ESRRG: variants seen among roughly 807,000 people sequenced by gnomAD.
ESRRG encodes the protein estrogen-related receptor gamma.
In ESRRG, 13 loss-of-function variants were observed where a neutral mutation model predicts 44.0. That is an observed-to-expected ratio of 0.30 (90% CI 0.19 to 0.47). The LOEUF is 0.47. Ranked by LOEUF, ESRRG falls within the 20% of genes least tolerant of loss-of-function variation. The pLI, the probability that ESRRG is intolerant of heterozygous loss-of-function variation, is 1.00. For synonymous variants in ESRRG, 215 were observed against 214.6 expected (o/e 1.00, Z -0.02); for missense variants, 395 against 580.6 (o/e 0.68, Z 3.29).
chr1:216,817,729 AT>A (rs896997328), intron 2 of ESRRG, among the ~76,000 whole-genome samples: 5 of 152,236 alleles, frequency 3.3e-5, no homozygotes, highest in African/African-American at 1.2e-4. Flanking sequence ...TTGGTGGAAA[AT>A]TTAGGGAATA....
At chr1:216,870,824 T>C (rs2149209985) in intron 2 of ESRRG, among the ~76,000 whole-genome samples, 1 of 152,126 alleles carries the variant, frequency 6.6e-6, no homozygotes, top group East Asian at 1.9e-4. Flanking sequence ...GGTTGTAGGA[T>C]CTGTGATGAT....
chr1:216,785,906 A>G (rs1408427534), intron 2 of ESRRG, among the ~76,000 whole-genome samples: 1 of 152,162 alleles, frequency 6.6e-6, no homozygotes, highest in Non-Finnish European at 1.5e-5. Flanking sequence ...CACTGTCAGC[A>G]TGGCAACAAA....
intron 1 of ESRRG, among the ~76,000 whole-genome samples, chr1:217,095,856 C>T (rs1343424599): frequency 1.3e-5 from 2 of 152,140 alleles, no homozygotes; most frequent in Non-Finnish European, 2.9e-5. Flanking sequence ...ATAGCCAGTG[C>T]ATGCCAGCCT....
chr1:216,710,443 CA>C (rs914455340), intron 1 of ESRRG, among the ~76,000 whole-genome samples: 1 of 152,060 alleles, frequency 6.6e-6, no homozygotes, highest in Non-Finnish European at 1.5e-5. Context: ...TGCCACTAAA[CA>C]AAAAAAGGCA....
chr1:216,704,390 A>C, intron 1 of ESRRG, among the ~76,000 whole-genome samples: 1 of 152,152 alleles, frequency 6.6e-6, no homozygotes, highest in Admixed American at 6.5e-5. Flanking sequence ...GGTGGTGGGC[A>C]CCTGTAATCC....
chr1:216,956,108 T>C (rs1284643732), intron 1 of ESRRG, among the ~76,000 whole-genome samples: 1 of 152,196 alleles, frequency 6.6e-6, no homozygotes, highest in Non-Finnish European at 1.5e-5. Flanking sequence ...ACATACAAAA[T>C]CTTTTCCTAG....
At chr1:216,535,672 A>G (rs527726477) in intron 5 of ESRRG, among the ~76,000 whole-genome samples, 4 of 151,978 alleles carry the variant, frequency 2.6e-5, no homozygotes, top group East Asian at 1.9e-4. Context: ...CCAATTTTCT[A>G]CTTGGCCCCT....
At position 216,505,603 on chromosome 1, in the gene ESRRG, C is replaced by A. The variant is rs898982594; in HGVS notation, c.*1336G>T. Reference sequence around the variant, plus strand: ...GCTAGAAATCATATGGCAATTGTACCTCCCAAGTAGAGAGGTGCACTCCTG... The same window carrying A: ...GCTAGAAATCATATGGCAATTGTACATCCCAAGTAGAGAGGTGCACTCCTG... On this transcript the variant is annotated 3_prime_UTR_variant, in exon 7 of 7. Coordinates refer to ENST00000408911, the MANE Select transcript of ESRRG (RefSeq NM_001438.4). 2 of 152,492 alleles carry A rather than the reference C, an allele frequency of 1.3e-5. No homozygotes were observed. The highest frequency in any genetic ancestry group is 1.3e-4 in the Admixed American group (2 of 15,264). The allele number at this position is 152,492 out of a possible 1,614,324, so 9.4% of individuals were successfully genotyped here.
At chr1:217,112,495 G>T (rs2102465521) in intron 1 of ESRRG, among the ~76,000 whole-genome samples, 1 of 152,294 alleles carries the variant, frequency 6.6e-6, no homozygotes, top group South Asian at 2.1e-4. Context: ...CAGTAACGTG[G>T]AAAATAGAAG....
At chr1:216,838,851 C>G (rs930331810) in intron 2 of ESRRG, among the ~76,000 whole-genome samples, 4 of 152,172 alleles carry the variant, frequency 2.6e-5, no homozygotes, top group African/African-American at 7.2e-5. Context: ...TAATGGTCAT[C>G]TGAGCCTTCA....
At chr1:216,782,181 G>A (rs2093959454) in intron 2 of ESRRG, among the ~76,000 whole-genome samples, 1 of 152,056 alleles carries the variant, frequency 6.6e-6, no homozygotes, top group Non-Finnish European at 1.5e-5. Context: ...TGGCTTTCAA[G>A]CAACACACAA....
chr1:216,538,258 T>TTG (rs5780889), intron 5 of ESRRG, among the ~76,000 whole-genome samples: 14 of 151,286 alleles, frequency 9.3e-5, no homozygotes, highest in South Asian at 2.1e-4. Flanking sequence ...ATTAAAAATT[T>TTG]TGTGTGTGTG....
At position 216,507,141 on chromosome 1, in the gene ESRRG, T is replaced by C. The variant is rs1203770683; in HGVS notation, c.1175A>G (p.Gln392Arg). The change falls in exon 7 of 7, where the codon CAG becomes CGG. Residue 392 changes from glutamine to arginine, a missense_variant. Gln to Arg is a conservative substitution (Grantham distance 43, BLOSUM62 1). This residue lies in a region of ESRRG where 167 missense variants were observed against 251.8 expected (regional missense o/e 0.66). Coordinates refer to ENST00000408911, the MANE Select transcript of ESRRG (RefSeq NM_001438.4). ...CTGCAGCGCTTCATGTAAGACATCC[T>C]GAAGCTTCTGAACGGCTTCAACATC... ...IEDVEAVQKL[Q>R]DVLHEALQDY... 17 of 1,613,260 alleles carry C rather than the reference T, an allele frequency of 1.1e-5. No individual in the cohort carries two copies. The highest frequency in any genetic ancestry group is 7.7e-5 in the South Asian group (7 of 91,042).
chr1:216,898,950 A>T (rs540777748), intron 2 of ESRRG, among the ~76,000 whole-genome samples: 30 of 152,146 alleles, frequency 2.0e-4, no homozygotes, highest in African/African-American at 7.2e-4. Flanking sequence ...TCTTCTGCTC[A>T]ATACACTCCC....
intron 3 of ESRRG, among the ~76,000 whole-genome samples, chr1:216,612,620 G>A (rs1439673176): frequency 6.6e-6 from 1 of 152,122 alleles, no homozygotes; most frequent in African/African-American, 2.4e-5. Context: ...AAGGCAGGAA[G>A]AATCCATATA....
chr1:216,578,398 A>G (rs187102742), intron 3 of ESRRG, among the ~76,000 whole-genome samples: 1 of 152,126 alleles, frequency 6.6e-6, no homozygotes. Flanking sequence ...CCCATAAAAA[A>G]TAACTAAATA....
At chr1:216,761,107 T>A (rs12126778) in intron 2 of ESRRG, among the ~76,000 whole-genome samples, 72,940 of 151,356 alleles carry the variant, frequency 0.48, 18,885 homozygotes, top group African/African-American at 0.67. Flanking sequence ...AAAAAGGAGA[T>A]ATAGAAAGTG....
chr1:216,982,380 C>A (rs945265758), intron 1 of ESRRG, among the ~76,000 whole-genome samples: 3 of 152,132 alleles, frequency 2.0e-5, no homozygotes, highest in Admixed American at 6.5e-5. Context: ...GCCATCTGAG[C>A]AAGAGATCTG....
At chr1:216,976,160 A>T (rs892412354) in intron 1 of ESRRG, among the ~76,000 whole-genome samples, 1 of 152,198 alleles carries the variant, frequency 6.6e-6, no homozygotes, top group Non-Finnish European at 1.5e-5. Flanking sequence ...AAGTTTGAAA[A>T]AAATTGGTAG....
Sources: gnomAD v4.1 joint callset for allele counts (sites outside exome capture counted in the v4.1 genomes callset) on GRCh38, gnomAD v4.1.1 for gene constraint, gnomAD v4.1.1 regional missense constraint, MANE v1.5 for transcripts, NCBI Gene and HGNC (gene_info 2026-07-23, HGNC 2026-07-21) for gene names.